Variants in WWOX observed in about 807,000 individuals in gnomAD.
WWOX encodes WW domain-containing oxidoreductase.
Under a neutral mutation model 46.2 loss-of-function variants are expected in WWOX, and 69 were observed. That is an observed-to-expected ratio of 1.49 (90% confidence interval 1.23 to 1.82). WWOX has a LOEUF of 1.82. Ranked by LOEUF, WWOX falls within the 40% of genes most tolerant of loss-of-function variation. The probability of loss-of-function intolerance (pLI) is 0.00; values close to 1 mark genes in which losing one functional copy is unlikely to be tolerated. For missense variants in WWOX, 919 were observed against 542.6 expected (o/e 1.69, Z -6.89); for synonymous variants, 359 against 202.6 (o/e 1.77, Z -6.56).
At chr16:79,041,020 C>A (rs895580649) in intron 8 of WWOX, among the ~76,000 whole-genome samples, 3 of 151,836 alleles carry the variant, frequency 2.0e-5, no homozygotes, top group Admixed American at 1.3e-4. Context: ...CAGACAAGTG[C>A]ATTTCACCGT....
chr16:79,093,920 G>C (rs969625542), intron 8 of WWOX, among the ~76,000 whole-genome samples: 1 of 152,182 alleles, frequency 6.6e-6, no homozygotes, highest in African/African-American at 2.4e-5. Flanking sequence ...CCTTCCAAGA[G>C]AGAAAGGGGA....
chr16:78,439,189 T>C (rs879528703), intron 8 of WWOX, among the ~76,000 whole-genome samples: 13 of 152,176 alleles, frequency 8.5e-5, no homozygotes, highest in East Asian at 3.9e-4. Flanking sequence ...GGGGGAAATA[T>C]GGTTTTCAAA....
intron 8 of WWOX, among the ~76,000 whole-genome samples, chr16:78,689,333 C>T (rs9935899): frequency 6.6e-6 from 1 of 152,082 alleles, no homozygotes; most frequent in African/African-American, 2.4e-5. Context: ...TGCTCATGCT[C>T]TCTAAACACC....
intron 8 of WWOX, among the ~76,000 whole-genome samples, chr16:78,448,872 G>A (rs1277830150): frequency 1.3e-5 from 2 of 152,132 alleles, no homozygotes; most frequent in East Asian, 1.9e-4. Context: ...TGAGGGGGCT[G>A]TTTAGCATGG....
intron 8 of WWOX, among the ~76,000 whole-genome samples, chr16:79,075,953 C>T (rs532000527): frequency 1.3e-5 from 2 of 152,292 alleles, no homozygotes; most frequent in South Asian, 4.1e-4. Context: ...AACGTTGGAT[C>T]ATGTGTGGAG....
chr16:78,597,618 A>G (rs2151611907), intron 8 of WWOX, among the ~76,000 whole-genome samples: 1 of 152,242 alleles, frequency 6.6e-6, no homozygotes, highest in South Asian at 2.1e-4. Context: ...ATTAAGTTTA[A>G]AATTGTTTTT....
At chr16:78,586,780 TAAGTA>T (rs980589777) in intron 8 of WWOX, among the ~76,000 whole-genome samples, 1 of 152,156 alleles carries the variant, frequency 6.6e-6, no homozygotes, top group African/African-American at 2.4e-5. Context: ...TCAGGAAGGT[TAAGTA>T]ATGTGCCCAG....
Position 79,182,619 on chromosome 16 carries a change from A to G in WWOX, c.1057-28989A>G, listed in dbSNP as rs567342177. ...GGGTGTTTAAAAGCCAAGATTCTGG[A>G]GTCAGAAGGCCTGGGTTCAAATCCT... On this transcript the variant is annotated intron_variant, in intron 8 of 8. Coordinates refer to ENST00000566780, the MANE Select transcript of WWOX (RefSeq NM_016373.4). Among the ~76,000 whole-genome samples, 5 of 152,260 alleles carry G rather than the reference A, an allele frequency of 3.3e-5. No individual in the cohort carries two copies. In the East Asian group the frequency reaches 5.8e-4, roughly 18 times the overall value.
chr16:78,280,076 C>T (rs1160779128), intron 5 of WWOX, among the ~76,000 whole-genome samples: 1 of 152,208 alleles, frequency 6.6e-6, no homozygotes, highest in Non-Finnish European at 1.5e-5. Context: ...CTAGAGTGTT[C>T]CAGGCAGTTA....
In WWOX at chr16:78,108,624, C is replaced by G. The variant is rs961629128; in HGVS notation, c.172+137C>G. ...AGAACCAGACTCCCACTCTGAGGAG[C>G]TTATGGGATTTGGCAGAAGAAGATG... On this transcript the variant is annotated intron_variant, in intron 2 of 8. Coordinates refer to ENST00000566780, the MANE Select transcript of WWOX (RefSeq NM_016373.4). The G allele has an allele frequency of 5.5e-5, 51 of 926,058 alleles. 2 individuals are homozygous for G. Among genetic ancestry groups the G allele is most frequent in the Non-Finnish European group, 7.7e-5 (45 of 586,706 alleles). 57.4% of individuals were successfully genotyped at this position (926,058 alleles called of 1,614,324 possible).
chr16:78,271,616 C>G (rs1382310987), intron 5 of WWOX, among the ~76,000 whole-genome samples: 1 of 152,198 alleles, frequency 6.6e-6, no homozygotes. Flanking sequence ...AGTGCTTGTT[C>G]ACCCCAGTGA....
At chr16:78,157,052 T>A (rs958451153) in intron 4 of WWOX, among the ~76,000 whole-genome samples, 1 of 152,204 alleles carries the variant, frequency 6.6e-6, no homozygotes, top group African/African-American at 2.4e-5. Context: ...TTTACTCTCA[T>A]TTCCACTCTC....
At chr16:79,044,010 T>A (rs1393659337) in intron 8 of WWOX, among the ~76,000 whole-genome samples, 9 of 152,168 alleles carry the variant, frequency 5.9e-5, no homozygotes, top group Non-Finnish European at 1.2e-4. Flanking sequence ...TAGGCCTGAG[T>A]TATGTGCTCT....
intron 8 of WWOX, among the ~76,000 whole-genome samples, chr16:78,781,719 G>T (rs1184142254): frequency 6.6e-6 from 1 of 152,152 alleles, no homozygotes; most frequent in Non-Finnish European, 1.5e-5. Flanking sequence ...AGGATGCAGT[G>T]AGCTGAGATG....
At chr16:78,800,751 A>T (rs1307932184) in intron 8 of WWOX, among the ~76,000 whole-genome samples, 1 of 152,178 alleles carries the variant, frequency 6.6e-6, no homozygotes, top group East Asian at 1.9e-4. Flanking sequence ...ATGCATTCTT[A>T]GCTAAGGTCA....
chr16:78,827,408 T>C (rs2051687576), intron 8 of WWOX, among the ~76,000 whole-genome samples: 1 of 152,098 alleles, frequency 6.6e-6, no homozygotes, highest in Non-Finnish European at 1.5e-5. Context: ...CTGGAGTCTC[T>C]GTGGCTCCAG....
intron 8 of WWOX, among the ~76,000 whole-genome samples, chr16:78,513,999 T>G (rs558088968): frequency 1.3e-4 from 20 of 149,992 alleles, no homozygotes; most frequent in African/African-American, 5.0e-4. Context: ...GTTCACACAG[T>G]GTTGCGAAAG....
At chr16:78,211,002 T>C (rs2036542997) in intron 5 of WWOX, among the ~76,000 whole-genome samples, 1 of 152,234 alleles carries the variant, frequency 6.6e-6, no homozygotes, top group South Asian at 2.1e-4. Context: ...CTTTATTTCA[T>C]TCTCTTCACT....
intron 5 of WWOX, among the ~76,000 whole-genome samples, chr16:78,296,779 G>A (rs192345055): frequency 5.5e-4 from 83 of 152,186 alleles, no homozygotes; most frequent in African/African-American, 1.9e-3. Context: ...AGTAACATAT[G>A]GCTTTGTTAT....
Sources: gnomAD v4.1 joint callset for allele counts (sites outside exome capture counted in the v4.1 genomes callset) on GRCh38, gnomAD v4.1.1 for gene constraint, MANE v1.5 for transcripts, NCBI Gene and HGNC (gene_info 2026-07-23, HGNC 2026-07-21) for gene names.